The following WDR49 variants were observed in gnomAD, a reference collection of about 807,000 sequenced individuals.
WDR49 encodes cilia- and flagella-associated protein 337.
A neutral mutation model predicts 119.5 loss-of-function variants in WDR49; 107 were observed. The ratio of observed to expected loss-of-function variants is 0.90; its 90% confidence interval spans 0.77 to 1.05. WDR49 has a LOEUF of 1.05. WDR49 is among the 50% of genes least tolerant of loss of function. The probability of loss-of-function intolerance (pLI) is 0.00; values close to 1 mark genes in which losing one functional copy is unlikely to be tolerated. For synonymous variants in WDR49, 425 were observed against 418.8 expected, an observed-to-expected ratio of 1.01 and a Z score of -0.18; for missense variants, 1,240 against 1,220.5, an observed-to-expected ratio of 1.02 and a Z score of -0.24.
intron 15 of WDR49, among the ~76,000 whole-genome samples, chr3:167,526,426 A>C (rs868681280): frequency 6.6e-6 from 1 of 151,922 alleles, no homozygotes; most frequent in South Asian, 2.1e-4. Flanking sequence ...TGTTGTTCAA[A>C]CCTCCACCTC....
chr3:167,550,780 A>ATTTT (rs1560281510), intron 10 of WDR49, among the ~76,000 whole-genome samples: 141 of 136,360 alleles, frequency 1.0e-3, no homozygotes, highest in African/African-American at 3.6e-3. Context: ...TTTTTTTTTG[A>ATTTT]GAGAGAGAGA....
At chr3:167,536,772 A>C in intron 11 of WDR49, 98 bp downstream of exon 11, 1 of 459,672 alleles carries the variant, frequency 2.2e-6, no homozygotes, top group Non-Finnish European at 2.9e-6. Context: ...TATATATATA[A>C]AACAACTGAG....
chr3:167,636,399 A>C (rs146072166), intron 2 of WDR49, among the ~76,000 whole-genome samples: 2 of 151,692 alleles, frequency 1.3e-5, no homozygotes, highest in African/African-American at 4.8e-5. Context: ...TTGTTGATTG[A>C]TGGGCATTTG....
At chr3:167,570,467 G>A (rs1713870316) in intron 8 of WDR49, among the ~76,000 whole-genome samples, 1 of 152,094 alleles carries the variant, frequency 6.6e-6, no homozygotes, top group African/African-American at 2.4e-5. Flanking sequence ...ATAATGGAAG[G>A]CCACATGTTT....
intron 10 of WDR49, among the ~76,000 whole-genome samples, chr3:167,547,917 T>G (rs1258513529): frequency 2.0e-5 from 3 of 152,036 alleles, no homozygotes; most frequent in Non-Finnish European, 4.4e-5. Flanking sequence ...ACAAAAAGCC[T>G]TTTCAACTTT....
At position 167,522,312 on chromosome 3, in the gene WDR49, T is replaced by C; in HGVS notation, c.2774+3A>G. 2 of 1,571,906 alleles carry C rather than the reference T, an allele frequency of 1.3e-6. No homozygotes were observed. Among genetic ancestry groups the C allele is most frequent in the South Asian group, 1.2e-5 (1 of 83,518 alleles). Reference sequence around the variant, plus strand: ...CATCTGGCTAATGTTCAAAATTACTTACTTGTATGTTGAGTCATCTTTGTT... The same window carrying C: ...CATCTGGCTAATGTTCAAAATTACTCACTTGTATGTTGAGTCATCTTTGTT... On this transcript the variant is annotated splice_donor_region_variant and intron_variant, in intron 16 of 18. Transcript: ENST00000682715.
At chr3:167,612,924 A>G (rs1716410677) in intron 5 of WDR49, among the ~76,000 whole-genome samples, 1 of 152,230 alleles carries the variant, frequency 6.6e-6, no homozygotes, top group Non-Finnish European at 1.5e-5. Context: ...GGGGCCTAGC[A>G]GGGAGGTGAG....
At chr3:167,525,539 G>A (rs747357749) in intron 15 of WDR49, among the ~76,000 whole-genome samples, 10 of 151,982 alleles carry the variant, frequency 6.6e-5, no homozygotes, top group Non-Finnish European at 1.2e-4. Flanking sequence ...CAAAGTCACT[G>A]GACATCAAAT....
intron 17 of WDR49, among the ~76,000 whole-genome samples, chr3:167,501,952 A>C (rs1257729828): frequency 1.3e-5 from 2 of 152,186 alleles, no homozygotes; most frequent in Non-Finnish European, 2.9e-5. Context: ...CTAATATAGT[A>C]AGGATATTTG....
chr3:167,646,561 C>T (rs1718138699), intron 2 of WDR49, among the ~76,000 whole-genome samples: 1 of 152,186 alleles, frequency 6.6e-6, no homozygotes, highest in Non-Finnish European at 1.5e-5. Context: ...ATATTCTTTG[C>T]AGTCCAGTAT....
intron 7 of WDR49, among the ~76,000 whole-genome samples, chr3:167,591,001 C>T (rs1364279773): frequency 6.6e-6 from 1 of 151,700 alleles, no homozygotes; most frequent in Admixed American, 6.6e-5. Context: ...TAAGAGGCAC[C>T]ATTAGGTTGT....
chr3:167,535,867 T>G (rs1244753675), intron 11 of WDR49, among the ~76,000 whole-genome samples: 1 of 152,042 alleles, frequency 6.6e-6, no homozygotes, highest in Non-Finnish European at 1.5e-5. Flanking sequence ...ATAAAGAAAA[T>G]GTGGTATATA....
At chr3:167,562,443 T>C (rs1172826357) in intron 8 of WDR49, among the ~76,000 whole-genome samples, 2 of 152,328 alleles carry the variant, frequency 1.3e-5, no homozygotes, top group South Asian at 2.1e-4. Context: ...GCCCTTTTTT[T>C]CCTGAAATTA....
At chr3:167,632,840 T>A (rs1240712954) in intron 2 of WDR49, among the ~76,000 whole-genome samples, 1 of 152,018 alleles carries the variant, frequency 6.6e-6, no homozygotes, top group East Asian at 1.9e-4. Context: ...GTGAAGAAGG[T>A]GGAGCTCTAA....
intron 8 of WDR49, chr3:167,566,796 T>G: frequency 3.3e-6 from 2 of 614,580 alleles, no homozygotes; most frequent in Non-Finnish European, 5.8e-6. Flanking sequence ...AAAATGTTAT[T>G]AAGAAAATTA....
chr3:167,512,996 C>T (rs185821212), intron 16 of WDR49, among the ~76,000 whole-genome samples: 86 of 152,216 alleles, frequency 5.6e-4, no homozygotes, highest in Admixed American at 1.8e-3. Context: ...CTGCAAGAGA[C>T]GGAGAGAATG....
chr3:167,503,132 C>T (rs145981463), intron 17 of WDR49, among the ~76,000 whole-genome samples: 1 of 152,356 alleles, frequency 6.6e-6, no homozygotes, highest in East Asian at 1.9e-4. Context: ...ACAACTCAGG[C>T]AGCCACTCCA....
rs1054555178 is a variant in WDR49, at chr3:167,590,345, C to T, written c.1275+11782G>A. ...ATTTTTGCATCAATGTTTATGAGGG[C>T]TATCTGCCTGTGGTTTTCTTTTCTG... On this transcript the variant is annotated intron_variant, in intron 7 of 18. Transcript: ENST00000682715. 2.8e-4 allele frequency among the ~76,000 whole-genome samples: 43 copies of T among 151,848 alleles called. 1 individual carries two copies. The highest frequency in any genetic ancestry group is 2.8e-3 in the Admixed American group (43 of 15,226).
intron 16 of WDR49, among the ~76,000 whole-genome samples, chr3:167,516,927 A>C (rs1752234234): frequency 6.6e-6 from 1 of 152,236 alleles, no homozygotes; most frequent in Non-Finnish European, 1.5e-5. Flanking sequence ...GACACTTCTC[A>C]AAAGAAGACA....
Sources: gnomAD v4.1 joint callset for allele counts (sites outside exome capture counted in the v4.1 genomes callset) on GRCh38, gnomAD v4.1.1 for gene constraint, MANE v1.5 for transcripts, NCBI Gene and HGNC (gene_info 2026-07-23, HGNC 2026-07-21) for gene names.